DLL4: variants seen among roughly 807,000 people sequenced by gnomAD.
DLL4 encodes delta-like protein 4.
A neutral mutation model predicts 73.6 loss-of-function variants in DLL4; 7 were observed. That is an observed-to-expected ratio of 0.10 (90% CI 0.05 to 0.18). The LOEUF is 0.18. Among genes scored for constraint, DLL4 ranks in the 10% least tolerant of loss-of-function variants. DLL4 has a pLI of 1.00. For missense variants in DLL4, 614 were observed against 929.9 expected (o/e 0.66, Z 4.42); for synonymous variants, 345 against 374.3 (o/e 0.92, Z 0.90).
At chr15:40,937,662 C>T in intron 10 of DLL4, 136 bp downstream of exon 10, 1 of 723,600 alleles carries the variant, frequency 1.4e-6, no homozygotes, top group Non-Finnish European at 2.5e-6. Context: ...ACTCTTGGGT[C>T]CCTGCTGGCC....
chr15:40,932,469 G>A, intron 6 of DLL4, 22 bp downstream of exon 6: 1 of 1,613,580 alleles, frequency 6.2e-7, no homozygotes, highest in Non-Finnish European at 8.5e-7. Flanking sequence ...TGAAGAGAGG[G>A]TGCAGAGGGT....
At chr15:40,936,089 ACT>A (rs1471325976) in intron 8 of DLL4, 137 bp from the exon 9 acceptor site, 5 of 692,132 alleles carry the variant, frequency 7.2e-6, no homozygotes, top group African/African-American at 5.4e-5. Flanking sequence ...AGGTCTCCTG[ACT>A]CTGTGCAGTT....
intron 5 of DLL4, 32 bp downstream of exon 5, chr15:40,932,263 G>A (rs554983340): frequency 6.2e-7 from 1 of 1,614,014 alleles, no homozygotes; most frequent in South Asian, 1.1e-5. Context: ...GTGAGTGGGA[G>A]CCCTCCCTTG....
chr15:40,932,663 C>T (rs906686035), intron 6 of DLL4, among the ~76,000 whole-genome samples: 2 of 152,080 alleles, frequency 1.3e-5, no homozygotes, highest in African/African-American at 4.8e-5. Context: ...GGTGGTGGAG[C>T]CAGGGTGGCT....
At position 40,930,423 on chromosome 15, in the gene DLL4, TCTCTCA is replaced by T; in HGVS notation, c.337-201_337-196del. ...AGTGGCTCTCCCTTACACTCTCCCG[TCTCTCA>T]ACCCTCCCTCTACCGGGGGTTCTCC... On this transcript the variant is annotated intron_variant, in intron 2 of 10. Coordinates refer to ENST00000249749, the MANE Select transcript of DLL4 (RefSeq NM_019074.4). The surrounding 1 kb of genome is among the most constrained non-coding windows in gnomAD (Gnocchi z 5.7). 1 of 646,142 alleles carries T rather than the reference TCTCTCA, an allele frequency of 1.5e-6. No individual in the cohort carries two copies. The highest frequency in any genetic ancestry group is 1.9e-5 in the South Asian group (1 of 53,332). The allele number at this position is 646,142 out of a possible 1,614,324, so 40.0% of individuals were successfully genotyped here.
intron 4 of DLL4, 64 bp downstream of exon 4, chr15:40,931,830 T>C: frequency 4.4e-6 from 7 of 1,587,260 alleles, no homozygotes; most frequent in Non-Finnish European, 6.0e-6. Context: ...CAGTGGAGCT[T>C]CTTGGTCACA....
chr15:40,934,821 C>A, intron 7 of DLL4, 77 bp from the exon 8 acceptor site: 3 of 1,584,134 alleles, frequency 1.9e-6, no homozygotes, highest in Non-Finnish European at 1.7e-6. Flanking sequence ...GCATTGTGGG[C>A]AGGTGGAGCC....
In DLL4 at chr15:40,935,105, C is replaced by A; in HGVS notation, c.1228C>A (p.Pro410Thr). 6.2e-7 allele frequency: 1 copy of A among 1,612,454 alleles called. No homozygotes were observed. Among genetic ancestry groups the A allele is most frequent in the Non-Finnish European group, 8.5e-7 (1 of 1,179,832 alleles). The stretch of plus-strand genomic sequence containing the variant: ...GAAAGTGGACAGGTGCACCAGCAAC[C>A]CCTGTGCCAACGGTGCGTGCTGCTG... Reference protein sequence around the residue: ...EKKVDRCTSNPCANGGQCLNR... With the variant: ...EKKVDRCTSNTCANGGQCLNR... The change falls in exon 8 of 11, where the codon CCC (proline) becomes ACC (threonine). Residue 410 changes from proline to threonine, a missense_variant. By Grantham distance (38) the Pro-to-Thr change is conservative. This residue lies in a region of DLL4 where 386 missense variants were observed against 541.3 expected (regional missense o/e 0.71). Coordinates refer to ENST00000249749, the MANE Select transcript of DLL4 (RefSeq NM_019074.4).
Position 40,930,324 on chromosome 15 carries a change from T to TC in DLL4, c.336+211dup. 1 of 696,400 alleles carries TC rather than the reference T, an allele frequency of 1.4e-6. No individual in the cohort carries two copies. Among genetic ancestry groups the TC allele is most frequent in the Non-Finnish European group, 2.4e-6 (1 of 422,332 alleles). 43.1% of individuals were successfully genotyped at this position (696,400 alleles called of 1,614,324 possible). A position where few individuals can be genotyped will look rare whatever the true frequency, so the allele number is the denominator to read the frequency against. On this transcript the variant is annotated intron_variant, in intron 2 of 10. Transcript: ENST00000249749. This position sits in a 1 kb window ranked among gnomAD's most constrained non-coding sequence, Gnocchi z 5.7. Reference sequence around the variant, plus strand: ...GTCTCCGTCTTCCCAGTTTATGTCCTCCCGTCCCCAGCTCTTGGGACACGA... The same window carrying TC: ...GTCTCCGTCTTCCCAGTTTATGTCCTCCCCGTCCCCAGCTCTTGGGACACGA...
rs1241890357 is a variant in DLL4, at chr15:40,929,635, G to A, written c.-34G>A. The A allele has an allele frequency of 2.0e-6, 3 of 1,499,382 alleles. No homozygotes were observed. Among genetic ancestry groups the A allele is most frequent in the Non-Finnish European group, 2.6e-6 (3 of 1,134,146 alleles). 92.9% of individuals were successfully genotyped at this position (1,499,382 alleles called of 1,614,324 possible). On this transcript the variant is annotated 5_prime_UTR_variant, in exon 1 of 11. Transcript: ENST00000249749. The surrounding 1 kb of genome is among the most constrained non-coding windows in gnomAD (Gnocchi z 7.1). Reference sequence around the variant, plus strand: ...GGCGTCGCGAACAGAGCCAGATTGAGGGCCCGCGGGTGGAGAGAGCGACGC... The same window carrying A: ...GGCGTCGCGAACAGAGCCAGATTGAAGGCCCGCGGGTGGAGAGAGCGACGC...
chr15:40,931,703 G>A lies in DLL4; in HGVS notation c.595G>A (p.Val199Met), dbSNP rs138390086. 8.0e-5 allele frequency: 129 copies of A among 1,613,754 alleles called. No individual in the cohort carries two copies. The highest frequency in any genetic ancestry group is 9.7e-5 in the Non-Finnish European group (115 of 1,179,900). The change falls in exon 4 of 11, where the codon GTG becomes ATG. Residue 199 changes from valine to methionine, a missense_variant. Val to Met is a conservative substitution (Grantham distance 21, BLOSUM62 1). Transcript: ENST00000249749. ...KKRNDHFGHY[V>M]CQPDGNLSCL... The stretch of plus-strand genomic sequence containing the variant: ...GCGCAATGACCACTTCGGCCACTAT[G>A]TGTGCCAGCCAGATGGCAACTTGTC...
Position 40,929,898 on chromosome 15 carries a change from G to A in DLL4, c.118G>A (p.Glu40Lys), listed in dbSNP as rs763165309. The change falls in exon 2 of 11, where the codon GAG becomes AAG. Residue 40 changes from glutamate to lysine, a missense_variant. This residue lies in a region of DLL4 where 227 missense variants were observed against 370.8 expected (regional missense o/e 0.61). Transcript: ENST00000249749. This position sits in a 1 kb window ranked among gnomAD's most constrained non-coding sequence, Gnocchi z 7.1. ...FQLQLQEFIN[E>K]RGVLASGRPC... ...GCTGCAGCTGCAGGAGTTCATCAAC[G>A]AGCGCGGCGTACTGGCCAGTGGGCG... 1 of 1,612,790 alleles carries A rather than the reference G, an allele frequency of 6.2e-7. No homozygotes were observed. The highest frequency in any genetic ancestry group is 8.5e-7 in the Non-Finnish European group (1 of 1,179,768).
At position 40,936,495 on chromosome 15, in the gene DLL4, C is replaced by A; in HGVS notation, c.1508C>A (p.Thr503Asn). The A allele has an allele frequency of 6.2e-7, 1 of 1,611,864 alleles. No homozygotes were observed. The highest frequency in any genetic ancestry group is 1.3e-5 in the African/African-American group (1 of 75,036). Residue 503 changes from threonine to asparagine, a missense_variant, in exon 9 of 11, where the codon ACC becomes AAC. Coordinates refer to ENST00000249749, the MANE Select transcript of DLL4 (RefSeq NM_019074.4). The stretch of plus-strand genomic sequence containing the variant: ...TGCTACACCGACCTCTCCACAGACA[C>A]CTTTGTGTGCAACTGCCCTTATGGC... Reference protein sequence around the residue: ...ATCYTDLSTDTFVCNCPYGFV... With the variant: ...ATCYTDLSTDNFVCNCPYGFV...
chr15:40,930,732 A>T lies in DLL4; in HGVS notation c.394+50A>T. On this transcript the variant is annotated intron_variant, in intron 3 of 10. Transcript: ENST00000249749. The surrounding 1 kb of genome is among the most constrained non-coding windows in gnomAD (Gnocchi z 5.7). ...AGGGGGGCGACACGGCGCAGCGCCGAAAGAGTTAATCTGTTCTAGGCGGGG... is the reference window on the plus strand; with the variant it reads ...AGGGGGGCGACACGGCGCAGCGCCGTAAGAGTTAATCTGTTCTAGGCGGGG... 6.3e-7 allele frequency: 1 copy of T among 1,585,326 alleles called. No homozygotes were observed. Among genetic ancestry groups the T allele is most frequent in the South Asian group, 1.1e-5 (1 of 89,732 alleles).
chr15:40,933,636 A>T (rs1463885648), intron 6 of DLL4, among the ~76,000 whole-genome samples: 1 of 151,918 alleles, frequency 6.6e-6, no homozygotes, highest in Non-Finnish European at 1.5e-5. Context: ...CCCCTCCTCC[A>T]TGAAGCCTTT....
Position 40,934,905 on chromosome 15 carries a change from A to G in DLL4, c.1028A>G (p.Glu343Gly). ...TTTATGGTCTCTCTCCAGGACCAGGAGGATGGCTACCACTGCCTGTGTCCT... is the reference window on the plus strand; with the variant it reads ...TTTATGGTCTCTCTCCAGGACCAGGGGGATGGCTACCACTGCCTGTGTCCT... ...CRNGGSCKDQ[E>G]DGYHCLCPPG... The change falls in exon 8 of 11, where the codon GAG (glutamate) becomes GGG (glycine). Residue 343 changes from glutamate to glycine, a missense_variant. Glu to Gly is a moderately conservative substitution (Grantham distance 98). Transcript: ENST00000249749. 1 of 1,613,536 alleles carries G rather than the reference A, an allele frequency of 6.2e-7. No homozygotes were observed.
At position 40,934,679 on chromosome 15, in the gene DLL4, T is replaced by G. The variant is rs750022085; in HGVS notation, c.982T>G (p.Cys328Gly). Residue 328 changes from cysteine (C) to glycine (G), a missense_variant, in exon 7 of 11, where the codon TGT becomes GGT. Coordinates refer to ENST00000249749, the MANE Select transcript of DLL4 (RefSeq NM_019074.4). ...GVDCELELSE[C>G]DSNPCRNGGS... is the part of the protein sequence containing the mutation. ...GGACTGTGAGCTGGAGCTCAGCGAG[T>G]GTGACAGCAACCCCTGTCGCAATGG... The G allele has an allele frequency of 6.2e-7, 1 of 1,613,736 alleles. No homozygotes were observed. Among genetic ancestry groups the G allele is most frequent in the Admixed American group, 1.7e-5 (1 of 60,004 alleles).
At chr15:40,931,414 C>A in intron 3 of DLL4, 89 bp from the exon 4 acceptor site, 1 of 1,431,254 alleles carries the variant, frequency 7.0e-7, no homozygotes, top group Non-Finnish European at 9.4e-7. Flanking sequence ...TGATCACCAT[C>A]ATCACAGCCA....
chr15:40,932,581 T>G, intron 6 of DLL4, 134 bp downstream of exon 6: 1 of 1,246,598 alleles, frequency 8.0e-7, no homozygotes. Flanking sequence ...CCAAGGATCT[T>G]GGGTCTTTTA....
Sources: gnomAD v4.1 joint callset for allele counts (sites outside exome capture counted in the v4.1 genomes callset) on GRCh38, gnomAD v4.1.1 for gene constraint, gnomAD v4.1.1 regional missense constraint, Gnocchi (gnomAD v3.1) non-coding constraint, MANE v1.5 for transcripts, NCBI Gene and HGNC (gene_info 2026-07-23, HGNC 2026-07-21) for gene names.